Variants in PIGU observed in about 807,000 individuals in gnomAD.
PIGU encodes the protein phosphatidylinositol glycan anchor biosynthesis class U, also known as GPI-anchor transamidase component PIGU.
PIGU carries 24 observed loss-of-function variants against 49.9 expected under a neutral mutation model. The ratio of observed to expected loss-of-function variants is 0.48; its 90% confidence interval spans 0.35 to 0.68. The LOEUF is 0.68. PIGU is among the 30% of genes least tolerant of loss of function. PIGU has a pLI of 0.01. For missense variants in PIGU, 490 were observed against 532.6 expected (o/e 0.92, Z 0.79); for synonymous variants, 220 against 205.7 (o/e 1.07, Z -0.59).
At chr20:34,616,272 G>T (rs1019329271) in intron 6 of PIGU, 133 bp from the exon 7 acceptor site, 3 of 950,236 alleles carry the variant, frequency 3.2e-6, no homozygotes, top group Non-Finnish European at 4.5e-6. Flanking sequence ...GGTACACAAG[G>T]TGCTATGCAA....
chr20:34,654,657 CA>C (rs1435195755), intron 2 of PIGU, among the ~76,000 whole-genome samples: 1 of 117,764 alleles, frequency 8.5e-6, no homozygotes, highest in Non-Finnish European at 1.8e-5. Flanking sequence ...ACAGAAGAGC[CA>C]AAAAACAAAC....
chr20:34,568,362 C>T (rs1173705016), intron 11 of PIGU, among the ~76,000 whole-genome samples: 1 of 152,182 alleles, frequency 6.6e-6, no homozygotes, highest in Non-Finnish European at 1.5e-5. Context: ...GACAGAATTA[C>T]ACTAGTTGGG....
At chr20:34,583,469 G>A (rs1983567828) in intron 9 of PIGU, among the ~76,000 whole-genome samples, 1 of 152,242 alleles carries the variant, frequency 6.6e-6, no homozygotes, top group South Asian at 2.1e-4. Context: ...CCAGGCAGAA[G>A]AGAAGACAGC....
At chr20:34,650,137 C>T (rs952196904) in intron 2 of PIGU, among the ~76,000 whole-genome samples, 5 of 151,512 alleles carry the variant, frequency 3.3e-5, no homozygotes, top group Non-Finnish European at 5.9e-5. Flanking sequence ...CATGAGCCAC[C>T]GTGCCTGGCC....
rs1002156077 is a variant in PIGU at position 34,601,592 on chromosome 20, C to T, written c.628-12985G>A. The stretch of plus-strand genomic sequence containing the variant: ...GAACACCCAGGGCATACAGCACCTG[C>T]TCCAAGAATTAGATTTTCCACAAGC... On this transcript the variant is annotated intron_variant, in intron 7 of 11. Transcript: ENST00000217446. Among the ~76,000 whole-genome samples the T allele has an allele frequency of 5.9e-5, 9 of 152,210 alleles. No homozygotes were observed. In the East Asian group the frequency reaches 1.7e-3, roughly 29 times the overall value.
At chr20:34,675,584 T>C (rs908301176) in intron 1 of PIGU, among the ~76,000 whole-genome samples, 3 of 152,320 alleles carry the variant, frequency 2.0e-5, no homozygotes, top group South Asian at 2.1e-4. Flanking sequence ...AATAACACCA[T>C]CTATCACATA....
At chr20:34,638,496 CAATA>C (rs922411633) in intron 4 of PIGU, among the ~76,000 whole-genome samples, 1 of 152,168 alleles carries the variant, frequency 6.6e-6, no homozygotes, top group Non-Finnish European at 1.5e-5. Flanking sequence ...AGTGGACAAA[CAATA>C]AATATCTGTT....
chr20:34,645,418 C>T, intron 2 of PIGU, 84 bp from the exon 3 acceptor site: 2 of 1,421,378 alleles, frequency 1.4e-6, no homozygotes, highest in Non-Finnish European at 1.8e-6. Context: ...GGGGAGAAAA[C>T]TATTATGTCA....
At chr20:34,673,512 T>C (rs918809479) in intron 1 of PIGU, among the ~76,000 whole-genome samples, 9 of 152,206 alleles carry the variant, frequency 5.9e-5, no homozygotes, top group African/African-American at 2.2e-4. Context: ...GTCCTGACAC[T>C]GGCCTCAAGC....
At position 34,646,983 on chromosome 20, in the gene PIGU, C is replaced by T. The variant is rs561202554; in HGVS notation, c.196-1649G>A. Among the ~76,000 whole-genome samples, 6 of 152,052 alleles carry T rather than the reference C, an allele frequency of 3.9e-5. No homozygotes were observed. In the South Asian group the frequency reaches 1.2e-3, roughly 32 times the overall value. On this transcript the variant is annotated intron_variant, in intron 2 of 11. Transcript: ENST00000217446. ...AGGATTACAGGTGCCTGCCACCACA[C>T]CCAGCTAATTTTTTTTGTTATTTAT...
intron 2 of PIGU, among the ~76,000 whole-genome samples, chr20:34,650,211 C>G (rs1322502869): frequency 6.6e-6 from 1 of 151,896 alleles, no homozygotes; most frequent in Non-Finnish European, 1.5e-5. Flanking sequence ...TTTTTACATA[C>G]CCTGGTGAAA....
intron 1 of PIGU, among the ~76,000 whole-genome samples, chr20:34,675,512 C>G (rs117077668): frequency 0.02 from 3,051 of 152,290 alleles, 52 homozygotes; most frequent in South Asian, 0.029. Context: ...CATTCCCCAA[C>G]TAGGAAACCT....
chr20:34,622,485 C>G (rs1985279436), intron 6 of PIGU, among the ~76,000 whole-genome samples: 1 of 151,962 alleles, frequency 6.6e-6, no homozygotes, highest in Admixed American at 6.6e-5. Flanking sequence ...CCACTGCACT[C>G]CAGCCTGGGA....
chr20:34,643,090 A>C (rs939389757), intron 4 of PIGU, among the ~76,000 whole-genome samples: 1 of 152,082 alleles, frequency 6.6e-6, no homozygotes, highest in African/African-American at 2.4e-5. Flanking sequence ...CTCAGCCCCT[A>C]AAGTTTTCAA....
chr20:34,640,509 AC>A, intron 4 of PIGU, among the ~76,000 whole-genome samples: 1 of 107,954 alleles, frequency 9.3e-6, no homozygotes, highest in Non-Finnish European at 2.2e-5. Flanking sequence ...GCACACACAC[AC>A]ACACACACAC....
chr20:34,597,257 G>C (rs569490467), intron 7 of PIGU, among the ~76,000 whole-genome samples: 1 of 152,262 alleles, frequency 6.6e-6, no homozygotes, highest in East Asian at 1.9e-4. Context: ...ACCAATAGGA[G>C]AATGGGTAAA....
At chr20:34,652,219 G>C (rs889325804) in intron 2 of PIGU, among the ~76,000 whole-genome samples, 13 of 152,046 alleles carry the variant, frequency 8.6e-5, no homozygotes, top group Non-Finnish European at 1.3e-4. Flanking sequence ...TGCCCAGGCT[G>C]GTCTTAAACT....
chr20:34,568,408 G>A (rs1489721318), intron 11 of PIGU, among the ~76,000 whole-genome samples: 1 of 152,220 alleles, frequency 6.6e-6, no homozygotes, highest in Non-Finnish European at 1.5e-5. Context: ...AGCAGGATGA[G>A]GACAAGGGCT....
intron 7 of PIGU, among the ~76,000 whole-genome samples, chr20:34,609,223 G>A (rs1984725173): frequency 6.6e-6 from 1 of 152,216 alleles, no homozygotes; most frequent in South Asian, 2.1e-4. Context: ...CAGGGGGACT[G>A]CTTGAACCCA....
Sources: gnomAD v4.1 joint callset for allele counts (sites outside exome capture counted in the v4.1 genomes callset) on GRCh38, gnomAD v4.1.1 for gene constraint, MANE v1.5 for transcripts, NCBI Gene and HGNC (gene_info 2026-07-23, HGNC 2026-07-21) for gene names.